The following PIEZO1 variants were observed in gnomAD, a reference collection of about 807,000 sequenced individuals.
PIEZO1 encodes piezo type mechanosensitive ion channel component 1 (Er blood group).
In PIEZO1, 296 loss-of-function variants were observed where a neutral mutation model predicts 297.2. That is an observed-to-expected ratio of 1.00 (90% CI 0.91 to 1.10). The LOEUF (loss-of-function observed/expected upper bound fraction) is 1.10. PIEZO1 is among the 50% of genes least tolerant of loss of function. PIEZO1 has a pLI of 0.00. For synonymous variants in PIEZO1, 2,427 were observed against 1,507.5 expected, an observed-to-expected ratio of 1.61 and a Z score of -14.13; for missense variants, 5,018 against 3,455.5, an observed-to-expected ratio of 1.45 and a Z score of -11.34.
rs1044964515 is a variant in PIEZO1, at chr16:88,727,868, G to C, written c.3197-207C>G. Reference sequence around the variant, plus strand: ...CTTCAACTCTGCACCAAGCCCCTGGGGGCAAAGGAACTGAGCAGGAGGCCA... The same window carrying C: ...CTTCAACTCTGCACCAAGCCCCTGGCGGCAAAGGAACTGAGCAGGAGGCCA... On this transcript the variant is annotated intron_variant, in intron 22 of 50. Transcript: ENST00000301015. The C allele has an allele frequency of 1.3e-4, 49 of 385,780 alleles. 1 individual carries two copies. The highest frequency in any genetic ancestry group is 2.2e-4 in the Non-Finnish European group (47 of 216,796). 23.9% of individuals were successfully genotyped at this position (385,780 alleles called of 1,614,324 possible).
In PIEZO1 at chr16:88,738,249, G is replaced by C; in HGVS notation, c.826C>G (p.Pro276Ala). Residue 276 changes from proline to alanine, a missense_variant, in exon 7 of 51, where the codon CCG (proline) becomes GCG (alanine). Transcript: ENST00000301015. ...TACCTAGCCCAGATGCCGGCAGGCG[G>C]GAGCAGAGCCTGTGCCAAGGGCATC... ...YQMPLAQALLPPAGIWARVLG... is the reference protein window; with the variant it reads ...YQMPLAQALLAPAGIWARVLG... 1.3e-6 allele frequency: 2 copies of C among 1,535,848 alleles called. No homozygotes were observed. The highest frequency in any genetic ancestry group is 1.7e-6 in the Non-Finnish European group (2 of 1,146,814).
In PIEZO1 at chr16:88,716,586, G is replaced by C; in HGVS notation, c.6899C>G (p.Thr2300Ser). 1.9e-6 allele frequency: 3 copies of C among 1,547,316 alleles called. No individual in the cohort carries two copies. The highest frequency in any genetic ancestry group is 2.6e-6 in the Non-Finnish European group (3 of 1,145,060). ...RELYNGTADI[T>S]LRFTWNFQRD... The stretch of plus-strand genomic sequence containing the variant: ...CTGGAAGTTCCAGGTGAAGCGCAGG[G>C]TGATGTCGGCCGTGCCGTTGTAGAG... Residue 2300 changes from threonine to serine, a missense_variant, in exon 47 of 51, where the codon ACC becomes AGC. By Grantham distance (58) the Thr-to-Ser change is moderately conservative (BLOSUM62 1). Transcript: ENST00000301015.
rs1246218904 is a variant in PIEZO1 at position 88,748,501 on chromosome 16, C to G, written c.160+883G>C. On this transcript the variant is annotated intron_variant, in intron 2 of 50. Transcript: ENST00000301015. ...GGGGGTCTCAGCTCCCCCCCCCCCC[C>G]GCACAAGTGGATCAAAGTCAACTGA... Among the ~76,000 whole-genome samples, 36 of 130,534 alleles carry G rather than the reference C, an allele frequency of 2.8e-4. 2 individuals carry two copies. The highest frequency in any genetic ancestry group is 1.0e-3 in the Admixed American group (13 of 13,022). 85.6% of individuals were successfully genotyped at this position (130,534 alleles called of 152,430 possible).
At chr16:88,747,464 C>G (rs1300843445) in intron 2 of PIEZO1, among the ~76,000 whole-genome samples, 3 of 152,210 alleles carry the variant, frequency 2.0e-5, no homozygotes, top group Admixed American at 2.0e-4. Context: ...TGCAGTGAGC[C>G]CAGATCGTGC....
intron 2 of PIEZO1, among the ~76,000 whole-genome samples, chr16:88,747,525 A>T (rs1246725002): frequency 2.0e-5 from 3 of 152,188 alleles, no homozygotes; most frequent in African/African-American, 7.2e-5. Context: ...CAAAAAAAAT[A>T]AATAAAAAAG....
At chr16:88,741,361 A>G in intron 5 of PIEZO1, 117 bp downstream of exon 5, 1 of 1,000,250 alleles carries the variant, frequency 1.0e-6, no homozygotes, top group South Asian at 1.7e-5. Flanking sequence ...CTTTAACACC[A>G]ACTTACAACC....
In PIEZO1 at chr16:88,716,250, G is replaced by A. The variant is rs1178897403; in HGVS notation, c.7077C>T (p.Tyr2359=). ...SVVIPNLFPK[Y]IRAPNGPEAN... The stretch of plus-strand genomic sequence containing the variant: ...CTTCGGGCCCGTTGGGGGCACGGAT[G>A]TACTTGGGGAAGAGATTAGGGATGA... Residue 2359 remains tyrosine (Y), a synonymous_variant, in exon 49 of 51, where the codon TAC becomes TAT. Transcript: ENST00000301015. 14 of 1,494,910 alleles carry A rather than the reference G, an allele frequency of 9.4e-6. No homozygotes were observed. The highest frequency in any genetic ancestry group is 2.8e-5 in the African/African-American group (2 of 71,770). 92.6% of individuals were successfully genotyped at this position (1,494,910 alleles called of 1,614,324 possible).
At chr16:88,745,131 G>T (rs918128260) in intron 2 of PIEZO1, 1 of 135,726 alleles carries the variant, frequency 7.4e-6, no homozygotes, top group Non-Finnish European at 1.5e-5. Flanking sequence ...AGGCTGAGCC[G>T]GGGATCAGGC....
Position 88,727,585 on chromosome 16 carries a change from G to A in PIEZO1, c.3273C>T (p.Phe1091=). 6.5e-7 allele frequency: 1 copy of A among 1,531,352 alleles called. No individual in the cohort carries two copies. The highest frequency in any genetic ancestry group is 8.8e-7 in the Non-Finnish European group (1 of 1,133,972). 94.9% of individuals were successfully genotyped at this position (1,531,352 alleles called of 1,614,324 possible). The change falls in exon 23 of 51, where the codon TTC becomes TTT. Residue 1091 remains phenylalanine (F), a synonymous_variant. Coordinates refer to ENST00000301015, the MANE Select transcript of PIEZO1 (RefSeq NM_001142864.4). The part of the protein sequence containing the change: ...LIKWLYLPDF[F]RAPNSTNLIS... ...TGAGGTTGGTGGAGTTGGGGGCCCG[G>A]AAGAAATCAGGCAGGTACAGCCACT...
intron 2 of PIEZO1, among the ~76,000 whole-genome samples, chr16:88,747,421 C>T (rs188611744): frequency 5.3e-4 from 81 of 152,284 alleles, no homozygotes; most frequent in East Asian, 3.9e-4. Context: ...GAGGCCGAGG[C>T]GGGAGAATCG....
rs1439008044 is a variant in PIEZO1, at chr16:88,763,254, G to A, written c.65-13775C>T. Among the ~76,000 whole-genome samples the A allele has an allele frequency of 3.3e-5, 5 of 152,172 alleles. No individual in the cohort carries two copies. The East Asian group carries it at 7.7e-4, about 23-fold the overall frequency. On this transcript the variant is annotated intron_variant, in intron 1 of 50. Transcript: ENST00000301015. ...CAGTTCCTCTAGGAGGGCCCTGCTC[G>A]AGGTCTCAGCCTGTGAGCAGCTCCT...
At position 88,734,532 on chromosome 16, in the gene PIEZO1, C is replaced by A. The variant is rs574426042; in HGVS notation, c.2004G>T (p.Gly668=). The change falls in exon 16 of 51, where the codon GGG becomes GGT. Residue 668 remains glycine, a synonymous_variant. Coordinates refer to ENST00000301015, the MANE Select transcript of PIEZO1 (RefSeq NM_001142864.4). ...NLTGFTDEQL[G]DLGLEQFSVS... ...CGCTGAACTGCTCCAGGCCCAGGTC[C>A]CCCAGCCTGTGGAGGGGCAGCATCA... The A allele has an allele frequency of 1.1e-4, 173 of 1,542,702 alleles. No homozygotes were observed. In the African/African-American group the frequency reaches 1.9e-3, roughly 17 times the overall value.
intron 1 of PIEZO1, among the ~76,000 whole-genome samples, chr16:88,765,017 C>T (rs746295553): frequency 4.6e-5 from 7 of 152,352 alleles, no homozygotes; most frequent in East Asian, 3.9e-4. Context: ...CTGGCAGACC[C>T]GGCTGCCCAC....
Position 88,722,619 on chromosome 16 carries a change from GGGCCTGGCAGCGTGGCCTC to G in PIEZO1, c.4720_4738del (p.Glu1574ProfsTer24). ...GCTTGGGGCATTGGGGGCCTCGGTG[GGGCCTGGCAGCGTGGCCTC>G]GGCCTGGCTTGTGTACAGCTGATCC... On this transcript the variant is annotated frameshift_variant, in exon 35 of 51. Transcript: ENST00000301015. LOFTEE classifies it high-confidence loss of function. 6.5e-7 allele frequency: 1 copy of G among 1,538,238 alleles called. No individual in the cohort carries two copies. Among genetic ancestry groups the G allele is most frequent in the Non-Finnish European group, 8.7e-7 (1 of 1,145,714 alleles).
intron 1 of PIEZO1, among the ~76,000 whole-genome samples, chr16:88,763,747 G>A (rs369458753): frequency 2.6e-4 from 39 of 152,340 alleles, no homozygotes; most frequent in African/African-American, 8.4e-4. Context: ...TAGCATGGAA[G>A]GGCCGATGTT....
At chr16:88,774,590 A>G (rs1193952520) in intron 1 of PIEZO1, among the ~76,000 whole-genome samples, 1 of 152,162 alleles carries the variant, frequency 6.6e-6, no homozygotes, top group Non-Finnish European at 1.5e-5. Flanking sequence ...TCGCTGGCCC[A>G]GCTGCAGGTC....
At position 88,736,379 on chromosome 16, in the gene PIEZO1, C is replaced by G. The variant is rs374061134; in HGVS notation, c.1326G>C (p.Leu442=). ...MVWSITYHSW[L]TFVLLLWACL... ...AGGCCCAGAGCAGCAGTACGAAGGT[C>G]AGCCAGCTGTGGTAGGTGATGCTCC... The change falls in exon 12 of 51, where the codon CTG becomes CTC. Residue 442 remains leucine (L), a synonymous_variant. Transcript: ENST00000301015. 73 of 1,549,528 alleles carry G rather than the reference C, an allele frequency of 4.7e-5. No individual in the cohort carries two copies. The African/African-American group carries it at 8.9e-4, about 19-fold the overall frequency.
At chr16:88,719,310 C>G (rs1420759045) in intron 44 of PIEZO1, 2 of 496,810 alleles carry the variant, frequency 4.0e-6, no homozygotes, top group East Asian at 6.9e-5. Flanking sequence ...GTCCGGTCCT[C>G]CCTGCACCAG....
intron 34 of PIEZO1, 40 bp downstream of exon 34, chr16:88,722,797 A>G (rs1189263147): frequency 1.3e-6 from 2 of 1,535,552 alleles, no homozygotes; most frequent in Non-Finnish European, 1.7e-6. Context: ...GGGCGTAGTC[A>G]GGCAGAGCAG....
Sources: allele counts gnomAD v4.1 joint callset (sites outside exome capture counted in the v4.1 genomes callset), GRCh38; gene constraint gnomAD v4.1.1; transcripts MANE v1.5; gene names NCBI Gene and HGNC (gene_info 2026-07-23, HGNC 2026-07-21).